DPP10: variants seen among roughly 807,000 people sequenced by gnomAD.
DPP10 encodes the protein dipeptidyl peptidase like 10, also known as inactive dipeptidyl peptidase 10.
A neutral mutation model predicts 120.9 loss-of-function variants in DPP10; 33 were observed. The observed-to-expected ratio is 0.27, with a 90% CI of 0.21 to 0.37. DPP10 has a LOEUF of 0.37. Ranked by LOEUF, DPP10 falls within the 10% of genes least tolerant of loss-of-function variation. DPP10 has a pLI of 1.00. For synonymous variants in DPP10, 337 were observed against 326.1 expected, an observed-to-expected ratio of 1.03 and a Z score of -0.36; for missense variants, 816 against 942.8, an observed-to-expected ratio of 0.87 and a Z score of 1.76.
intron 2 of DPP10, among the ~76,000 whole-genome samples, chr2:115,328,488 A>G (rs945246572): frequency 6.6e-6 from 1 of 152,114 alleles, no homozygotes; most frequent in African/African-American, 2.4e-5. Context: ...ACCTAAAGGT[A>G]CATTTCTTAT....
intron 7 of DPP10, among the ~76,000 whole-genome samples, chr2:115,713,770 C>T (rs2092404621): frequency 6.6e-6 from 1 of 152,082 alleles, no homozygotes; most frequent in Non-Finnish European, 1.5e-5. Context: ...CCTTTTTCCC[C>T]TCTTTGGATT....
chr2:115,740,382 T>G (rs773572202), intron 9 of DPP10, among the ~76,000 whole-genome samples: 8 of 152,114 alleles, frequency 5.3e-5, no homozygotes, highest in South Asian at 2.1e-4. Context: ...AAATAGACTA[T>G]GCATAAAGAA....
chr2:114,769,602 C>T (rs1681066958), intron 1 of DPP10, among the ~76,000 whole-genome samples: 1 of 152,104 alleles, frequency 6.6e-6, no homozygotes, highest in South Asian at 2.1e-4. Context: ...ATAAACAGAA[C>T]CTAAGTCAAA....
intron 1 of DPP10, among the ~76,000 whole-genome samples, chr2:114,836,556 G>A (rs1687754717): frequency 6.6e-6 from 1 of 152,158 alleles, no homozygotes; most frequent in African/African-American, 2.4e-5. Flanking sequence ...AATATCACTA[G>A]GAAAATGGAG....
chr2:114,797,096 G>GAATAC (rs1415834803), intron 1 of DPP10, among the ~76,000 whole-genome samples: 14 of 152,122 alleles, frequency 9.2e-5, no homozygotes, highest in African/African-American at 3.4e-4. Flanking sequence ...ATGCCCACAA[G>GAATAC]AATACCAAAC....
intron 1 of DPP10, among the ~76,000 whole-genome samples, chr2:115,054,557 G>A (rs1392389791): frequency 6.6e-6 from 1 of 152,142 alleles, no homozygotes; most frequent in Non-Finnish European, 1.5e-5. Flanking sequence ...AACAACTAAA[G>A]TTTACTTGCT....
intron 5 of DPP10, among the ~76,000 whole-genome samples, chr2:115,561,358 C>CAAAAAAAAAAAAAAAA (rs11421762): frequency 1.7e-5 from 1 of 59,804 alleles, no homozygotes; most frequent in Non-Finnish European, 2.8e-5. Context: ...GACTCCATCA[C>CAAAAAAAAAAAAAAAA]AAAAAAAAAA....
In DPP10 at chr2:115,323,632, A is replaced by G. The variant is rs933536287; in HGVS notation, c.175+14279A>G. 2.0e-5 allele frequency among the ~76,000 whole-genome samples: 3 copies of G among 152,184 alleles called. No individual in the cohort carries two copies. In the East Asian group the frequency reaches 5.8e-4, roughly 29 times the overall value. On this transcript the variant is annotated intron_variant, in intron 2 of 25. Transcript: ENST00000410059. Reference sequence around the variant, plus strand: ...TCAAATGTAATTCTTAATTACCAACATTGGAAAATCAAAATTACTCCTTGA... The same window carrying G: ...TCAAATGTAATTCTTAATTACCAACGTTGGAAAATCAAAATTACTCCTTGA...
rs1681059018 is a variant in DPP10, at chr2:115,768,408, A to G, written c.1221+4A>G. 1 of 1,610,568 alleles carries G rather than the reference A, an allele frequency of 6.2e-7. No individual in the cohort carries two copies. Among genetic ancestry groups the G allele is most frequent in the South Asian group, 1.1e-5 (1 of 90,826 alleles). ...CGTAGCTATGTTCCTCATCCAGGTA[A>G]GTGCTGGCTTTTTTCCATGTTTTGA... On this transcript the variant is annotated splice_donor_region_variant and intron_variant, in intron 13 of 25. Transcript: ENST00000410059.
chr2:114,461,587 A>G, intron 1 of DPP10: 1 of 985,360 alleles, frequency 1.0e-6, no homozygotes, highest in Middle Eastern at 5.2e-4. Flanking sequence ...ATATTGCATT[A>G]AACACTTGAT....
chr2:114,727,316 G>A (rs1162451356), intron 1 of DPP10, among the ~76,000 whole-genome samples: 1 of 152,264 alleles, frequency 6.6e-6, no homozygotes, highest in South Asian at 2.1e-4. Flanking sequence ...ACTCTTCCTC[G>A]AGGCTGGTTT....
In DPP10 at chr2:115,378,958, A is replaced by G. The variant is rs1225068668; in HGVS notation, c.271+35046A>G. On this transcript the variant is annotated intron_variant, in intron 3 of 25. Coordinates refer to ENST00000410059, the MANE Select transcript of DPP10 (RefSeq NM_020868.6). ...GTGCTGCTGGATTTGGTTTGCCACT[A>G]TTTTATTGAGGATTTTTGCATCAAT... Among the ~76,000 whole-genome samples, 4 of 152,302 alleles carry G rather than the reference A, an allele frequency of 2.6e-5. No individual in the cohort carries two copies. The East Asian group carries it at 5.8e-4, about 22-fold the overall frequency.
chr2:115,125,436 T>C (rs1314025045), intron 1 of DPP10, among the ~76,000 whole-genome samples: 1 of 152,196 alleles, frequency 6.6e-6, no homozygotes, highest in East Asian at 1.9e-4. Flanking sequence ...AAAATGGTAT[T>C]TCCAATTTCA....
rs75283458 is a variant in DPP10 at position 114,476,567 on chromosome 2, T to C, written c.60+33729T>C. On this transcript the variant is annotated intron_variant, in intron 1 of 25. Coordinates refer to ENST00000410059, the MANE Select transcript of DPP10 (RefSeq NM_020868.6). ...TGAGAAACAATGAATTTCATGTCTT[T>C]CTAGTAAAACACACTATAAAATAGT... is the stretch of plus-strand genomic sequence containing the variant. 1.0e-3 allele frequency among the ~76,000 whole-genome samples: 153 copies of C among 152,300 alleles called. No individual in the cohort carries two copies. The East Asian group carries it at 0.027, about 27-fold the overall frequency.
intron 1 of DPP10, among the ~76,000 whole-genome samples, chr2:115,170,968 A>T (rs1415036774): frequency 6.6e-6 from 1 of 152,170 alleles, no homozygotes; most frequent in Non-Finnish European, 1.5e-5. Flanking sequence ...CTCTCTTTGC[A>T]TGAATGCCAT....
At position 115,791,453 on chromosome 2, in the gene DPP10, C is replaced by T. The variant is rs1290606737; in HGVS notation, c.1700+97C>T. ...TTTGATTCAATAAAGAAGAGAAGTC[C>T]TATGTGTGTAGTTAATCAGGACAGC... On this transcript the variant is annotated intron_variant, in intron 19 of 25. Coordinates refer to ENST00000410059, the MANE Select transcript of DPP10 (RefSeq NM_020868.6). The T allele has an allele frequency of 5.6e-6, 6 of 1,077,096 alleles. No homozygotes were observed. The East Asian group carries it at 1.6e-4, about 28-fold the overall frequency. 66.7% of individuals were successfully genotyped at this position (1,077,096 alleles called of 1,614,324 possible).
chr2:115,332,615 G>C (rs192978573), intron 2 of DPP10, among the ~76,000 whole-genome samples: 85 of 152,162 alleles, frequency 5.6e-4, no homozygotes, highest in African/African-American at 1.7e-3. Flanking sequence ...AGAGATTCTG[G>C]TATGTTGTGT....
In DPP10 at chr2:115,092,243, T is replaced by C. The variant is rs551501604; in HGVS notation, c.61-216996T>C. On this transcript the variant is annotated intron_variant, in intron 1 of 25. Coordinates refer to ENST00000410059, the MANE Select transcript of DPP10 (RefSeq NM_020868.6). ...CCAAATGAATACCAAATAACTCACT[T>C]TGCAAACATTTCATGTCCATTATCA... Among the ~76,000 whole-genome samples, 3 of 152,320 alleles carry C rather than the reference T, an allele frequency of 2.0e-5. No homozygotes were observed. In the South Asian group the frequency reaches 6.2e-4, roughly 32 times the overall value.
chr2:114,695,584 C>A (rs1401207200), intron 1 of DPP10, among the ~76,000 whole-genome samples: 3 of 152,012 alleles, frequency 2.0e-5, no homozygotes, highest in African/African-American at 7.2e-5. Flanking sequence ...TTGTCCTTTT[C>A]CATAACAACA....
Sources: allele counts gnomAD v4.1 joint callset (sites outside exome capture counted in the v4.1 genomes callset), GRCh38; gene constraint gnomAD v4.1.1; transcripts MANE v1.5; gene names NCBI Gene and HGNC (gene_info 2026-07-23, HGNC 2026-07-21).